CERS3: variants seen among roughly 807,000 people sequenced by gnomAD.
The protein encoded by CERS3 is LAG1 homolog, ceramide synthase 3.
Under a neutral mutation model 50.3 loss-of-function variants are expected in CERS3, and 33 were observed. That is an observed-to-expected ratio of 0.66 (90% confidence interval 0.50 to 0.88). CERS3 has a LOEUF of 0.88. Ranked by LOEUF, CERS3 falls within the 40% of genes least tolerant of loss-of-function variation. The pLI is 0.00. For synonymous variants in CERS3, 176 were observed against 155.2 expected (o/e 1.13, Z -0.99); for missense variants, 470 against 460.3 (o/e 1.02, Z -0.19).
At chr15:100,538,374 G>A (rs1567692687) in intron 1 of CERS3, among the ~76,000 whole-genome samples, 3 of 152,200 alleles carry the variant, frequency 2.0e-5, no homozygotes, top group Non-Finnish European at 4.4e-5. Flanking sequence ...CACTGCCCTA[G>A]CAGAGGTACT....
chr15:100,487,705 G>A (rs2035529470), intron 4 of CERS3, among the ~76,000 whole-genome samples: 1 of 152,220 alleles, frequency 6.6e-6, no homozygotes, highest in Non-Finnish European at 1.5e-5. Context: ...CTCTGTGCCA[G>A]TAGAGGAGTC....
intron 11 of CERS3, among the ~76,000 whole-genome samples, chr15:100,421,558 T>C (rs2142090910): frequency 6.7e-6 from 1 of 150,220 alleles, no homozygotes; most frequent in African/African-American, 2.4e-5. Context: ...ACCAATGACT[T>C]TCTTCACAGA....
chr15:100,429,337 C>T (rs2032994098), intron 11 of CERS3, among the ~76,000 whole-genome samples: 1 of 152,152 alleles, frequency 6.6e-6, no homozygotes, highest in East Asian at 1.9e-4. Context: ...ACTCTGGAGG[C>T]TATCGGAGTA....
intron 4 of CERS3, 119 bp from the exon 5 acceptor site, chr15:100,484,787 A>G (rs983021118): frequency 2.7e-6 from 2 of 734,328 alleles, no homozygotes; most frequent in African/African-American, 3.5e-5. Flanking sequence ...AAATTCTGTC[A>G]TGAGACCTGG....
chr15:100,469,310 G>C (rs1394153164), intron 10 of CERS3, 68 bp downstream of exon 10: 3 of 1,156,506 alleles, frequency 2.6e-6, no homozygotes, highest in Non-Finnish European at 3.9e-6. Context: ...AATGCCCTGA[G>C]GGTAACCATG....
intron 11 of CERS3, among the ~76,000 whole-genome samples, chr15:100,430,225 T>G (rs1596646291): frequency 6.6e-6 from 1 of 151,308 alleles, no homozygotes; most frequent in African/African-American, 2.4e-5. Flanking sequence ...GGCAGGAGAA[T>G]GGCGTGAACC....
At chr15:100,416,515 A>G (rs770840572) in intron 11 of CERS3, among the ~76,000 whole-genome samples, 2 of 152,222 alleles carry the variant, frequency 1.3e-5, no homozygotes, top group Non-Finnish European at 2.9e-5. Flanking sequence ...GTAATTTGTA[A>G]AGGAAAGAAG....
At chr15:100,502,716 T>C (rs1324315934) in intron 2 of CERS3, among the ~76,000 whole-genome samples, 1 of 152,174 alleles carries the variant, frequency 6.6e-6, no homozygotes, top group African/African-American at 2.4e-5. Flanking sequence ...GATAAAACAA[T>C]TAATAAGACA....
chr15:100,460,000 T>C (rs1478134254), intron 10 of CERS3, among the ~76,000 whole-genome samples: 3 of 152,204 alleles, frequency 2.0e-5, no homozygotes, highest in Non-Finnish European at 4.4e-5. Context: ...GCTCTTTATA[T>C]ACTAAAGATA....
intron 2 of CERS3, among the ~76,000 whole-genome samples, chr15:100,518,606 A>G (rs931345830): frequency 4.6e-5 from 7 of 152,202 alleles, no homozygotes; most frequent in African/African-American, 7.2e-5. Flanking sequence ...GTCAATATGC[A>G]TTTACACAAT....
intron 2 of CERS3, among the ~76,000 whole-genome samples, chr15:100,513,517 AG>A (rs2036405912): frequency 6.7e-6 from 1 of 148,196 alleles, no homozygotes; most frequent in Non-Finnish European, 1.5e-5. Context: ...TGAAAGCAAA[AG>A]GCAAAGTTCT....
At chr15:100,485,948 C>T (rs887414214) in intron 4 of CERS3, among the ~76,000 whole-genome samples, 7 of 152,152 alleles carry the variant, frequency 4.6e-5, no homozygotes, top group African/African-American at 1.7e-4. Context: ...TGGCATAAAA[C>T]TGACCTTCAG....
chr15:100,506,475 CCA>C (rs1278008869), intron 2 of CERS3, among the ~76,000 whole-genome samples: 1 of 114,160 alleles, frequency 8.8e-6, no homozygotes, highest in Non-Finnish European at 2.0e-5. Context: ...CCCCGCCGCC[CCA>C]CACACACACA....
At position 100,456,668 on chromosome 15, in the gene CERS3, C is replaced by T. The variant is rs151012344; in HGVS notation, c.846-622G>A. On this transcript the variant is annotated intron_variant, in intron 10 of 11. Transcript: ENST00000679737. ...CTTCAGATATTATTGCCATATGGGC[C>T]GGGCATGGTGGCTCATGCCTGTAAT... is the stretch of plus-strand genomic sequence containing the variant. Among the ~76,000 whole-genome samples the T allele has an allele frequency of 9.8e-4, 149 of 152,238 alleles. 1 individual carries two copies. The highest frequency in any genetic ancestry group is 1.5e-3 in the Non-Finnish European group (104 of 67,994).
intron 4 of CERS3, among the ~76,000 whole-genome samples, chr15:100,489,333 C>T (rs567758375): frequency 6.6e-6 from 1 of 152,276 alleles, no homozygotes; most frequent in South Asian, 2.1e-4. Context: ...TTGGCTGGGC[C>T]TTAAGTTTCC....
chr15:100,478,086 G>A (rs2035188396), intron 7 of CERS3, among the ~76,000 whole-genome samples: 1 of 152,026 alleles, frequency 6.6e-6, no homozygotes, highest in Non-Finnish European at 1.5e-5. Flanking sequence ...ATCCACAGGT[G>A]GTCAAGAGAT....
intron 3 of CERS3, among the ~76,000 whole-genome samples, chr15:100,497,890 CACACACT>C (rs752911821): frequency 1.1e-4 from 4 of 37,554 alleles, no homozygotes; most frequent in African/African-American, 3.1e-4. Context: ...CACACACACA[CACACACT>C]TTTTTTTTTT....
At chr15:100,495,295 G>A (rs1361983129) in intron 3 of CERS3, among the ~76,000 whole-genome samples, 2 of 152,218 alleles carry the variant, frequency 1.3e-5, no homozygotes, top group Non-Finnish European at 2.9e-5. Context: ...AACAGGGCAA[G>A]TTAAAAATGT....
At chr15:100,431,334 C>A (rs1006845409) in intron 11 of CERS3, among the ~76,000 whole-genome samples, 1 of 152,126 alleles carries the variant, frequency 6.6e-6, no homozygotes, top group African/African-American at 2.4e-5. Context: ...TAAAAATAAT[C>A]ATTTTATAAA....
Sources: gnomAD v4.1 joint callset for allele counts (sites outside exome capture counted in the v4.1 genomes callset) on GRCh38, gnomAD v4.1.1 for gene constraint, MANE v1.5 for transcripts, NCBI Gene and HGNC (gene_info 2026-07-23, HGNC 2026-07-21) for gene names.